The following BMPR2 variants were observed in gnomAD, a reference collection of about 807,000 sequenced individuals.
BMPR2 encodes bone morphogenetic protein receptor type 2, also known as bone morphogenetic protein receptor type-2.
BMPR2 carries 29 observed loss-of-function variants against 100.8 expected under a neutral mutation model. The observed-to-expected ratio is 0.29, with a 90% CI of 0.21 to 0.39. The LOEUF (loss-of-function observed/expected upper bound fraction) is 0.39. Ranked by LOEUF, BMPR2 falls within the 10% of genes least tolerant of loss-of-function variation. The pLI, the probability that BMPR2 is intolerant of heterozygous loss-of-function variation, is 1.00. For synonymous variants in BMPR2, 382 were observed against 442.3 expected (o/e 0.86, Z 1.71); for missense variants, 1,011 against 1,274.5 (o/e 0.79, Z 3.15).
intron 1 of BMPR2, among the ~76,000 whole-genome samples, chr2:202,410,192 C>G (rs1297440756): frequency 6.6e-6 from 1 of 151,980 alleles, no homozygotes; most frequent in East Asian, 1.9e-4. Context: ...GTCATGTTGT[C>G]CAGGTTGGTC....
At chr2:202,480,759 C>T (rs535635819) in intron 3 of BMPR2, among the ~76,000 whole-genome samples, 10 of 151,792 alleles carry the variant, frequency 6.6e-5, no homozygotes, top group African/African-American at 2.2e-4. Context: ...CAAGACCATC[C>T]TGGCTGACAC....
At chr2:202,440,206 C>A (rs1307902579) in intron 1 of BMPR2, among the ~76,000 whole-genome samples, 1 of 150,816 alleles carries the variant, frequency 6.6e-6, no homozygotes, top group Non-Finnish European at 1.5e-5. Context: ...CCATCCTCAT[C>A]GTGGCCCGTT....
chr2:202,380,189 C>CA (rs376455736), intron 1 of BMPR2, among the ~76,000 whole-genome samples: 473 of 114,580 alleles, frequency 4.1e-3, no homozygotes, highest in African/African-American at 0.014. Context: ...ATTTTCTATG[C>CA]CCCCCCCAAA....
intron 1 of BMPR2, among the ~76,000 whole-genome samples, chr2:202,444,140 C>G (rs78347352): frequency 6.6e-6 from 1 of 150,794 alleles, no homozygotes; most frequent in East Asian, 1.9e-4. Flanking sequence ...GTTTTATTCT[C>G]TGCTCGCTTT....
At chr2:202,464,390 T>C (rs534987058) in intron 1 of BMPR2, among the ~76,000 whole-genome samples, 1 of 152,258 alleles carries the variant, frequency 6.6e-6, no homozygotes, top group Non-Finnish European at 1.5e-5. Flanking sequence ...GTATGTAACT[T>C]TGTATAACTG....
At chr2:202,475,610 G>A (rs1015997839) in intron 3 of BMPR2, among the ~76,000 whole-genome samples, 3 of 152,008 alleles carry the variant, frequency 2.0e-5, no homozygotes, top group Admixed American at 1.3e-4. Flanking sequence ...CCTCTATCCC[G>A]TATCTACCCT....
chr2:202,505,846 C>T (rs971400444), intron 3 of BMPR2, among the ~76,000 whole-genome samples: 9 of 152,298 alleles, frequency 5.9e-5, no homozygotes, highest in African/African-American at 1.4e-4. Context: ...TAATAGACTA[C>T]TTATTTCCTA....
intron 1 of BMPR2, among the ~76,000 whole-genome samples, chr2:202,457,072 A>C (rs544146238): frequency 1.3e-5 from 2 of 152,074 alleles, no homozygotes; most frequent in Non-Finnish European, 2.9e-5. Context: ...CCAATAACCC[A>C]TATACTATTG....
At chr2:202,451,972 T>C (rs1398979805) in intron 1 of BMPR2, among the ~76,000 whole-genome samples, 1 of 152,072 alleles carries the variant, frequency 6.6e-6, no homozygotes, top group Non-Finnish European at 1.5e-5. Context: ...CAGGCTAGTC[T>C]CAACCTCCCG....
intron 7 of BMPR2, among the ~76,000 whole-genome samples, chr2:202,523,592 T>C (rs780578868): frequency 1.3e-5 from 2 of 151,498 alleles, no homozygotes; most frequent in Non-Finnish European, 2.9e-5. Context: ...TCACCTGAGG[T>C]CGGGAGTTCA....
At chr2:202,435,482 C>T (rs79708342) in intron 1 of BMPR2, among the ~76,000 whole-genome samples, 3 of 144,556 alleles carry the variant, frequency 2.1e-5, no homozygotes, top group Admixed American at 6.9e-5. Flanking sequence ...ATGTTAAAAA[C>T]AGTTAAACCA....
intron 3 of BMPR2, among the ~76,000 whole-genome samples, chr2:202,477,310 C>T (rs1164692509): frequency 6.6e-6 from 1 of 152,000 alleles, no homozygotes; most frequent in African/African-American, 2.4e-5. Flanking sequence ...TATCATTTTC[C>T]TTTTACCATA....
intron 1 of BMPR2, among the ~76,000 whole-genome samples, chr2:202,464,159 C>CAAAA (rs71406983): frequency 4.1e-4 from 26 of 62,856 alleles, no homozygotes; most frequent in Admixed American, 6.0e-4. Flanking sequence ...AACTCTGTCT[C>CAAAA]AAAAAAAAAA....
chr2:202,464,714 G>T, intron 1 of BMPR2, 95 bp from the exon 2 acceptor site: 2 of 1,169,732 alleles, frequency 1.7e-6, no homozygotes, highest in Non-Finnish European at 2.3e-6. Context: ...AATTTAGTAG[G>T]GAAATTTATG....
chr2:202,377,368 G>A lies in BMPR2; in HGVS notation c.-107G>A. ...TCCTTTCAAACTGTATTGTGATACG[G>A]GCAGGATCAGTCCACGGGAGAGAAG... On this transcript the variant is annotated 5_prime_UTR_variant, in exon 1 of 13. Transcript: ENST00000374580. 9.6e-7 allele frequency: 1 copy of A among 1,043,848 alleles called. No individual in the cohort carries two copies. The highest frequency in any genetic ancestry group is 1.3e-5 in the South Asian group (1 of 79,636). The allele number at this position is 1,043,848 out of a possible 1,614,324, so 64.7% of individuals were successfully genotyped here.
Position 202,555,646 on chromosome 2 carries a change from G to T in BMPR2, c.1981G>T (p.Glu661Ter), listed in dbSNP as rs759293027. The part of the protein sequence containing the change: ...PTPVCLQLTE[E>*]DLETNKLDPK... Reference sequence around the variant, plus strand: ...CCCTGTCTGCTTACAGCTGACAGAAGAAGACTTGGAAACCAACAAGCTAGA... The same window carrying T: ...CCCTGTCTGCTTACAGCTGACAGAATAAGACTTGGAAACCAACAAGCTAGA... The change falls in exon 12 of 13, where the codon GAA becomes TAA. Residue 661 changes from glutamate (E) to a stop codon, truncating the protein, a stop_gained. Coordinates refer to ENST00000374580, the MANE Select transcript of BMPR2 (RefSeq NM_001204.7). LOFTEE classifies it high-confidence loss of function. The T allele has an allele frequency of 1.9e-6, 3 of 1,614,002 alleles. No individual in the cohort carries two copies. Among genetic ancestry groups the T allele is most frequent in the Non-Finnish European group, 2.5e-6 (3 of 1,180,044 alleles).
chr2:202,504,412 G>A (rs959942714), intron 3 of BMPR2, among the ~76,000 whole-genome samples: 1 of 152,006 alleles, frequency 6.6e-6, no homozygotes, highest in Non-Finnish European at 1.5e-5. Context: ...CTCAAGAGCT[G>A]TAACACTCAC....
chr2:202,464,147 G>A (rs1325668743), intron 1 of BMPR2, among the ~76,000 whole-genome samples: 10 of 106,172 alleles, frequency 9.4e-5, no homozygotes, highest in Non-Finnish European at 1.6e-4. Flanking sequence ...CATCAAGAGC[G>A]AAACTCTGTC....
In BMPR2 at chr2:202,552,699, T is replaced by C. The variant is rs1688501679; in HGVS notation, c.1414-17T>C. On this transcript the variant is annotated splice_polypyrimidine_tract_variant and intron_variant, in intron 10 of 12. Coordinates refer to ENST00000374580, the MANE Select transcript of BMPR2 (RefSeq NM_001204.7). ...TTTTTTAAAGACACATGGTTTGACATGTACTTTGTCTTACAGGCAGTGAGG... is the reference window on the plus strand; with the variant it reads ...TTTTTTAAAGACACATGGTTTGACACGTACTTTGTCTTACAGGCAGTGAGG... 6.2e-7 allele frequency: 1 copy of C among 1,613,794 alleles called. No homozygotes were observed. The highest frequency in any genetic ancestry group is 8.5e-7 in the Non-Finnish European group (1 of 1,179,816).
Sources: allele counts gnomAD v4.1 joint callset (sites outside exome capture counted in the v4.1 genomes callset), GRCh38; gene constraint gnomAD v4.1.1; transcripts MANE v1.5; gene names NCBI Gene and HGNC (gene_info 2026-07-23, HGNC 2026-07-21).